Variants in TRPS1 observed in about 807,000 individuals in gnomAD.
TRPS1 encodes the protein transcriptional repressor GATA binding 1.
In TRPS1, 6 loss-of-function variants were observed where a neutral mutation model predicts 101.2. The observed-to-expected ratio is 0.06, with a 90% CI of 0.03 to 0.12. The LOEUF (loss-of-function observed/expected upper bound fraction) is 0.12. TRPS1 is among the 10% of genes least tolerant of loss of function. The pLI is 1.00. For missense variants in TRPS1, 1,363 were observed against 1,567.0 expected, an observed-to-expected ratio of 0.87 and a Z score of 2.20; for synonymous variants, 578 against 589.8, an observed-to-expected ratio of 0.98 and a Z score of 0.29.
rs763423731 is a variant in TRPS1, at chr8:115,619,700, C to G, written c.398G>C (p.Gly133Ala). The change falls in exon 3 of 7, where the codon GGA (glycine) becomes GCA (alanine). Residue 133 changes from glycine (G) to alanine (A), a missense_variant. Gly to Ala is a moderately conservative substitution (Grantham distance 60). This residue lies in a region of TRPS1 where 1,020 missense variants were observed against 1,073.0 expected (regional missense o/e 0.95). Coordinates refer to ENST00000395715, the MANE Select transcript of TRPS1 (RefSeq NM_014112.5). Reference sequence around the variant, plus strand: ...CGGAGACTTCAAGGGCTCACAGACTCCCCCAGCAGCTGGAGATGAGAAAGC... The same window carrying G: ...CGGAGACTTCAAGGGCTCACAGACTGCCCCAGCAGCTGGAGATGAGAAAGC... ...MLAFSSPAAGGVCEPLKSPQR... is the reference protein window; with the variant it reads ...MLAFSSPAAGAVCEPLKSPQR... 6 of 1,614,142 alleles carry G rather than the reference C, an allele frequency of 3.7e-6. No individual in the cohort carries two copies. In the South Asian group the frequency reaches 6.6e-5, roughly 18 times the overall value.
chr8:115,551,289 G>A (rs1463013116), intron 5 of TRPS1, among the ~76,000 whole-genome samples: 4 of 152,180 alleles, frequency 2.6e-5, no homozygotes, highest in African/African-American at 7.2e-5. Context: ...GAAGAAAAAT[G>A]CTTCTCAGAG....
intron 5 of TRPS1, among the ~76,000 whole-genome samples, chr8:115,500,794 C>T (rs1191245885): frequency 3.3e-5 from 5 of 151,998 alleles, no homozygotes; most frequent in Non-Finnish European, 7.4e-5. Flanking sequence ...CAGATGGTCT[C>T]GATCTCCTGA....
At position 115,604,944 on chromosome 8, in the gene TRPS1, T is replaced by C; in HGVS notation, c.1025A>G (p.Asn342Ser). 1.2e-6 allele frequency: 2 copies of C among 1,614,028 alleles called. No individual in the cohort carries two copies. The highest frequency in any genetic ancestry group is 1.7e-6 in the Non-Finnish European group (2 of 1,179,952). Residue 342 changes from asparagine (N) to serine (S), a missense_variant, in exon 4 of 7, where the codon AAC becomes AGC. Physicochemically the swap from Asn to Ser is conservative, Grantham distance 46. Transcript: ENST00000395715. This position sits in a 1 kb window ranked among gnomAD's most constrained non-coding sequence, Gnocchi z 4.1. The part of the protein sequence containing the change: ...IGRKTPDCQG[N>S]TKYFRCKFCN... ...GAATTTACAGCGGAAATACTTGGTGTTCCCTTGGCAATCTGGTGTTTTCCG... is the reference window on the plus strand; with the variant it reads ...GAATTTACAGCGGAAATACTTGGTGCTCCCTTGGCAATCTGGTGTTTTCCG...
chr8:115,479,809 T>C (rs2130057901), intron 5 of TRPS1, among the ~76,000 whole-genome samples: 1 of 152,282 alleles, frequency 6.6e-6, no homozygotes, highest in African/African-American at 2.4e-5. Context: ...GAATGATCAA[T>C]GACAACATGA....
intron 5 of TRPS1, among the ~76,000 whole-genome samples, chr8:115,515,922 T>C (rs905575334): frequency 6.6e-6 from 1 of 151,448 alleles, no homozygotes; most frequent in Non-Finnish European, 1.5e-5. Flanking sequence ...TTTGGTTTTC[T>C]CTGATTCCCT....
rs1344512770 is a variant in TRPS1, at chr8:115,603,956, C to T, written c.2013G>A (p.Gln671=). The change falls in exon 4 of 7, where the codon CAG becomes CAA. Residue 671 remains glutamine, a synonymous_variant. Transcript: ENST00000395715. ...ANHLQGSDGQ[Q]SVKESKEHSC... is the part of the protein sequence containing the mutation. Reference sequence around the variant, plus strand: ...AGTGTTCTTTGCTTTCCTTGACAGACTGCTGCCCATCCGATCCTTGCAGGT... The same window carrying T: ...AGTGTTCTTTGCTTTCCTTGACAGATTGCTGCCCATCCGATCCTTGCAGGT... The T allele has an allele frequency of 2.5e-6, 4 of 1,614,004 alleles. No homozygotes were observed. In the South Asian group the frequency reaches 4.4e-5, roughly 18 times the overall value.
intron 5 of TRPS1, among the ~76,000 whole-genome samples, chr8:115,535,205 T>C (rs1337796180): frequency 1.4e-5 from 2 of 147,176 alleles, no homozygotes; most frequent in Non-Finnish European, 3.0e-5. Context: ...ATATATAGCA[T>C]ATGTATAGCA....
chr8:115,585,146 C>T (rs1262583767), intron 5 of TRPS1, among the ~76,000 whole-genome samples: 1 of 152,088 alleles, frequency 6.6e-6, no homozygotes, highest in Non-Finnish European at 1.5e-5. Flanking sequence ...TTAAGGTTTC[C>T]TACTTCAGCA....
intron 5 of TRPS1, among the ~76,000 whole-genome samples, chr8:115,422,855 C>T (rs1397658623): frequency 1.3e-5 from 2 of 152,116 alleles, no homozygotes; most frequent in Non-Finnish European, 2.9e-5. Flanking sequence ...TCCATCACCT[C>T]GTGCCTGAGA....
chr8:115,577,493 T>C (rs2130417336), intron 5 of TRPS1, among the ~76,000 whole-genome samples: 1 of 152,256 alleles, frequency 6.6e-6, no homozygotes, highest in East Asian at 1.9e-4. Context: ...AGCAATAATA[T>C]ATTGCATATT....
chr8:115,637,338 G>T lies in TRPS1; in HGVS notation c.-121-13580C>A, dbSNP rs114818898. On this transcript the variant is annotated intron_variant, in intron 1 of 6. Coordinates refer to ENST00000395715, the MANE Select transcript of TRPS1 (RefSeq NM_014112.5). ...GGAAGCCACTTGAAGTTTCTAAAAA[G>T]AAGAGATTAGGAAAACTAAACTAGA... 3.9e-4 allele frequency: 387 copies of T among 983,336 alleles called. 2 individuals are homozygous for T. In the African/African-American group the frequency reaches 6.4e-3, roughly 16 times the overall value. The allele number at this position is 983,336 out of a possible 1,614,324, so 60.9% of individuals were successfully genotyped here. A position where few individuals can be genotyped will look rare whatever the true frequency, so the allele number is the denominator to read the frequency against.
At chr8:115,608,679 T>C (rs1015118714) in intron 3 of TRPS1, among the ~76,000 whole-genome samples, 2 of 151,518 alleles carry the variant, frequency 1.3e-5, no homozygotes, top group South Asian at 4.1e-4. Context: ...TGTCCAATAG[T>C]ACTTCCTGAG....
intron 5 of TRPS1, among the ~76,000 whole-genome samples, chr8:115,443,159 A>G (rs1248017907): frequency 6.6e-6 from 1 of 151,772 alleles, no homozygotes; most frequent in Non-Finnish European, 1.5e-5. Flanking sequence ...AGTCCCAGCT[A>G]CTTGGGAGGC....
intron 5 of TRPS1, among the ~76,000 whole-genome samples, chr8:115,555,186 T>A (rs1033773862): frequency 6.6e-6 from 1 of 152,128 alleles, no homozygotes; most frequent in Admixed American, 6.5e-5. Flanking sequence ...TAAATGATAA[T>A]CCAATTAAAA....
chr8:115,535,345 A>G (rs1816281809), intron 5 of TRPS1, among the ~76,000 whole-genome samples: 1 of 148,322 alleles, frequency 6.7e-6, no homozygotes, highest in South Asian at 2.1e-4. Flanking sequence ...GCGCATATAT[A>G]TAGCATATAC....
intron 5 of TRPS1, among the ~76,000 whole-genome samples, chr8:115,559,583 G>T (rs1816900986): frequency 6.6e-6 from 1 of 152,058 alleles, no homozygotes; most frequent in Admixed American, 6.6e-5. Flanking sequence ...CCAGCATAAA[G>T]CCCTGCTCTC....
chr8:115,421,827 G>A (rs1324249999), intron 5 of TRPS1, among the ~76,000 whole-genome samples: 1 of 152,168 alleles, frequency 6.6e-6, no homozygotes, highest in Non-Finnish European at 1.5e-5. Context: ...TGTGTACAAT[G>A]TAACCTGGCA....
intron 5 of TRPS1, among the ~76,000 whole-genome samples, chr8:115,566,643 A>C (rs1817074370): frequency 6.6e-6 from 1 of 152,092 alleles, no homozygotes; most frequent in Non-Finnish European, 1.5e-5. Context: ...TAATTTTGTC[A>C]CTCATTCTTC....
At chr8:115,498,152 G>A (rs1425398692) in intron 5 of TRPS1, among the ~76,000 whole-genome samples, 1 of 151,972 alleles carries the variant, frequency 6.6e-6, no homozygotes, top group Non-Finnish European at 1.5e-5. Context: ...CCAAGCTGGT[G>A]GATCACTTGA....
Sources: allele counts gnomAD v4.1 joint callset (sites outside exome capture counted in the v4.1 genomes callset), GRCh38; gene constraint gnomAD v4.1.1; regional missense constraint gnomAD v4.1.1; non-coding constraint Gnocchi (gnomAD v3.1); transcripts MANE v1.5; gene names NCBI Gene and HGNC (gene_info 2026-07-23, HGNC 2026-07-21).